HMCN2: variants seen among roughly 807,000 people sequenced by gnomAD.
HMCN2 encodes the protein hemicentin 2.
Under a neutral mutation model 377.5 loss-of-function variants are expected in HMCN2, and 325 were observed. The observed-to-expected ratio is 0.86, with a 90% confidence interval of 0.79 to 0.94. The LOEUF (loss-of-function observed/expected upper bound fraction) is 0.94. HMCN2 is among the 40% of genes least tolerant of loss of function. The pLI is 0.00. For missense variants in HMCN2, 4,543 were observed against 4,725.3 expected (o/e 0.96, Z 1.13); for synonymous variants, 2,007 against 2,046.8 (o/e 0.98, Z 0.53).
intron 13 of HMCN2, 52 bp downstream of exon 13, chr9:130,306,990 TCCTC>T: frequency 4.7e-6 from 2 of 428,382 alleles, no homozygotes; most frequent in East Asian, 7.3e-5. Flanking sequence ...CTTCCCTCCC[TCCTC>T]CCTCCCTCCC....
intron 8 of HMCN2, among the ~76,000 whole-genome samples, chr9:130,302,473 T>C (rs781788788): frequency 1.3e-5 from 2 of 152,234 alleles, no homozygotes; most frequent in African/African-American, 2.4e-5. Flanking sequence ...GTTGGTAGCA[T>C]TTCATCAGAT....
intron 13 of HMCN2, 130 bp downstream of exon 13, chr9:130,307,068 TCCCTG>T: frequency 2.8e-6 from 1 of 358,228 alleles, no homozygotes. Flanking sequence ...GAACACATGG[TCCCTG>T]TCTGGGTGGA....
At chr9:130,403,138 TGGA>T (rs1564860176) in intron 78 of HMCN2, 53 bp from the exon 79 acceptor site, 2 of 1,255,896 alleles carry the variant, frequency 1.6e-6, no homozygotes, top group South Asian at 1.3e-5. Context: ...GCCCGCTGGT[TGGA>T]GGAGTTGTGT....
intron 22 of HMCN2, among the ~76,000 whole-genome samples, chr9:130,330,363 C>T (rs996213654): frequency 6.7e-4 from 102 of 152,334 alleles, no homozygotes; most frequent in African/African-American, 2.2e-3. Context: ...CCCTCCATTC[C>T]CCTTGTCCAG....
intron 22 of HMCN2, among the ~76,000 whole-genome samples, chr9:130,333,670 T>G (rs1395031612): frequency 6.6e-6 from 1 of 152,082 alleles, no homozygotes; most frequent in Non-Finnish European, 1.5e-5. Context: ...CTTTCTCCCA[T>G]CTCTCCGCTG....
chr9:130,353,099 G>A lies in HMCN2; in HGVS notation c.4758G>A (p.Arg1586=), dbSNP rs1177424338. Residue 1586 remains arginine (R), a synonymous_variant, in exon 31 of 98, where the codon CGG becomes CGA. Transcript: ENST00000683500. The part of the protein sequence containing the change: ...STKVVYTRGG[R]QLQLGRAQSS... ...AGGTGGTCTACACTAGGGGCGGTCGGCAGTTGCAGCTGGGGAGGGCCCAGA... is the reference window on the plus strand; with the variant it reads ...AGGTGGTCTACACTAGGGGCGGTCGACAGTTGCAGCTGGGGAGGGCCCAGA... The A allele has an allele frequency of 1.5e-6, 2 of 1,304,258 alleles. No homozygotes were observed. Among genetic ancestry groups the A allele is most frequent in the East Asian group, 5.5e-5 (1 of 18,022 alleles). 80.8% of individuals were successfully genotyped at this position (1,304,258 alleles called of 1,614,324 possible).
rs531322835 is a variant in HMCN2 at position 130,393,253 on chromosome 9, G to C, written c.10178G>C (p.Cys3393Ser). 1 of 988,474 alleles carries C rather than the reference G, an allele frequency of 1.0e-6. No individual in the cohort carries two copies. The highest frequency in any genetic ancestry group is 1.2e-6 in the Non-Finnish European group (1 of 830,500). 61.2% of individuals were successfully genotyped at this position (988,474 alleles called of 1,614,324 possible). The change falls in exon 67 of 98, where the codon TGT becomes TCT. Residue 3393 changes from cysteine (C) to serine (S), a missense_variant. Cys to Ser is a moderately radical substitution (Grantham distance 112, BLOSUM62 -1). Transcript: ENST00000683500. The surrounding 1 kb of genome is among the most constrained non-coding windows in gnomAD (Gnocchi z 5.2). The stretch of plus-strand genomic sequence containing the variant: ...TTGGCAGACGCTGGCATCTTCACCT[G>C]TGTGGCCGCAAGCCCAGCTGGCGTG... Reference protein sequence around the residue: ...VQLADAGIFTCVAASPAGVAD... With the variant: ...VQLADAGIFTSVAASPAGVAD...
rs1009589045 is a variant in HMCN2 at position 130,362,155 on chromosome 9, C to T, written c.6098C>T (p.Pro2033Leu). 2.1e-5 allele frequency: 21 copies of T among 985,920 alleles called. No homozygotes were observed. The highest frequency in any genetic ancestry group is 2.4e-5 in the Non-Finnish European group (20 of 829,950). The allele number at this position is 985,920 out of a possible 1,614,324, so 61.1% of individuals were successfully genotyped here. A position where few individuals can be genotyped will look rare whatever the true frequency, so the allele number is the denominator to read the frequency against. Residue 2033 changes from proline to leucine, a missense_variant, in exon 39 of 98, where the codon CCT becomes CTT. Physicochemically the swap from Pro to Leu is moderately conservative, Grantham distance 98. This residue lies in a region of HMCN2 where 1,032 missense variants were observed against 1,285.1 expected (regional missense o/e 0.80). Coordinates refer to ENST00000683500, the MANE Select transcript of HMCN2 (RefSeq NM_001291815.2). Reference sequence around the variant, plus strand: ...AACCCTGTGTCCCCTGCAGGGACCCCTGGCCTGCAGGTCAGTAGGGCTGGG... The same window carrying T: ...AACCCTGTGTCCCCTGCAGGGACCCTTGGCCTGCAGGTCAGTAGGGCTGGG... ...DGNPVSPAGTPGLQVFPGGRV... is the reference protein window; with the variant it reads ...DGNPVSPAGTLGLQVFPGGRV...
At position 130,407,559 on chromosome 9, in the gene HMCN2, TCTCC is replaced by T. The variant is rs765699431; in HGVS notation, c.12554-11_12554-8del. The T allele has an allele frequency of 7.8e-6, 10 of 1,288,992 alleles. No homozygotes were observed. The highest frequency in any genetic ancestry group is 2.1e-4 in the Middle Eastern group (1 of 4,694). 79.8% of individuals were successfully genotyped at this position (1,288,992 alleles called of 1,614,324 possible). On this transcript the variant is annotated splice_region_variant and splice_polypyrimidine_tract_variant and intron_variant, in intron 82 of 97. Coordinates refer to ENST00000683500, the MANE Select transcript of HMCN2 (RefSeq NM_001291815.2). The stretch of plus-strand genomic sequence containing the variant: ...GAGTTCCCTGCACCCGACTTCTCTT[TCTCC>T]ACCACAGAAGGGGTGTCTGAGCAGG...
rs868967780 is a variant in HMCN2, at chr9:130,294,712, T to G, written c.613-143T>G. 8.9e-5 allele frequency: 28 copies of G among 315,788 alleles called. 1 individual carries two copies. Among genetic ancestry groups the G allele is most frequent in the South Asian group, 6.9e-4 (28 of 40,588 alleles). 19.6% of individuals were successfully genotyped at this position (315,788 alleles called of 1,614,324 possible). ...CCTATGGAAGCCAGGAGGGTCACAA[T>G]GTGTGAATTGGGCCTGGTGTTGGAC... On this transcript the variant is annotated intron_variant, in intron 4 of 97. Coordinates refer to ENST00000683500, the MANE Select transcript of HMCN2 (RefSeq NM_001291815.2).
In HMCN2 at chr9:130,352,925, A is replaced by T. The variant is rs1168666947; in HGVS notation, c.4586-2A>T. On this transcript the variant is annotated splice_acceptor_variant, in intron 30 of 97. Transcript: ENST00000683500. LOFTEE classifies it high-confidence loss of function. Reference sequence around the variant, plus strand: ...GACCAGCCCCACCTCTTTCCTTCTCAGCGCCCCCCACTATCTGGGGCTCCA... The same window carrying T: ...GACCAGCCCCACCTCTTTCCTTCTCTGCGCCCCCCACTATCTGGGGCTCCA... The T allele has an allele frequency of 1.6e-6, 2 of 1,266,024 alleles. No individual in the cohort carries two copies. Among genetic ancestry groups the T allele is most frequent in the Non-Finnish European group, 2.1e-6 (2 of 968,328 alleles). 78.4% of individuals were successfully genotyped at this position (1,266,024 alleles called of 1,614,324 possible).
At chr9:130,398,807 C>T (rs1842733998) in intron 75 of HMCN2, 100 bp downstream of exon 75, 10 of 1,046,880 alleles carry the variant, frequency 9.6e-6, no homozygotes, top group Non-Finnish European at 1.3e-5. Flanking sequence ...GGGGTGTGCT[C>T]AGGTCTCACC....
At chr9:130,392,215 C>T (rs1588379686) in intron 66 of HMCN2, 97 bp downstream of exon 66, 2 of 852,154 alleles carry the variant, frequency 2.3e-6, no homozygotes, top group East Asian at 1.2e-4. Flanking sequence ...GGACTGGCTG[C>T]AACACCCACT....
At chr9:130,287,277 TG>T (rs1835466282) in intron 4 of HMCN2, among the ~76,000 whole-genome samples, 1 of 152,072 alleles carries the variant, frequency 6.6e-6, no homozygotes, top group Non-Finnish European at 1.5e-5. Context: ...TGCCCAAACT[TG>T]CTACCCTGCT....
chr9:130,293,279 G>GTTTTATTTTTTTTTTTTTTTTT (rs1835902310), intron 4 of HMCN2, among the ~76,000 whole-genome samples: 1 of 57,126 alleles, frequency 1.8e-5, no homozygotes, highest in African/African-American at 1.1e-4. Context: ...ACTCACTAAA[G>GTTTTATTTTTTTTTTTTTTTTT]TTTTTTTTTT....
Position 130,414,960 on chromosome 9 carries a change from G to T in HMCN2, c.12962-3812G>T, listed in dbSNP as rs542167343. 2.0e-5 allele frequency among the ~76,000 whole-genome samples: 3 copies of T among 149,184 alleles called. No individual in the cohort carries two copies. Among genetic ancestry groups the T allele is most frequent in the South Asian group, 4.3e-4 (2 of 4,664 alleles). On this transcript the variant is annotated intron_variant, in intron 85 of 97. Transcript: ENST00000683500. This position sits in a 1 kb window ranked among gnomAD's most constrained non-coding sequence, Gnocchi z 4.4. ...GTCACCACTGAGTGGGAAGCCCCTC[G>T]CCTACACAGGCCGAGTGGGGAGCAA...
chr9:130,394,627 G>A lies in HMCN2; in HGVS notation c.10692+52G>A, dbSNP rs1482385570. 1.6e-6 allele frequency: 2 copies of A among 1,216,040 alleles called. No homozygotes were observed. Among genetic ancestry groups the A allele is most frequent in the African/African-American group, 1.6e-5 (1 of 64,046 alleles). 75.3% of individuals were successfully genotyped at this position (1,216,040 alleles called of 1,614,324 possible). A position where few individuals can be genotyped will look rare whatever the true frequency, so the allele number is the denominator to read the frequency against. On this transcript the variant is annotated intron_variant, in intron 69 of 97. Coordinates refer to ENST00000683500, the MANE Select transcript of HMCN2 (RefSeq NM_001291815.2). This position sits in a 1 kb window ranked among gnomAD's most constrained non-coding sequence, Gnocchi z 5.1. ...GGCTGGGGGTTGGGGGAGAGGGGAG[G>A]GACTGCAGGTTCCCCAGACCCAGTG...
At chr9:130,358,823 A>G (rs1324641930) in intron 36 of HMCN2, among the ~76,000 whole-genome samples, 1 of 151,998 alleles carries the variant, frequency 6.6e-6, no homozygotes, top group Non-Finnish European at 1.5e-5. Flanking sequence ...ACAGGCACCC[A>G]CCACCACGTC....
intron 7 of HMCN2, among the ~76,000 whole-genome samples, chr9:130,297,564 G>C (rs1419199110): frequency 6.6e-6 from 1 of 152,222 alleles, no homozygotes; most frequent in Non-Finnish European, 1.5e-5. Flanking sequence ...GCTCAGCTCA[G>C]CTCCTCCTGG....
Sources: gnomAD v4.1 joint callset for allele counts (sites outside exome capture counted in the v4.1 genomes callset) on GRCh38, gnomAD v4.1.1 for gene constraint, gnomAD v4.1.1 regional missense constraint, Gnocchi (gnomAD v3.1) non-coding constraint, MANE v1.5 for transcripts, NCBI Gene and HGNC (gene_info 2026-07-23, HGNC 2026-07-21) for gene names.